SLC19A3: variants seen among roughly 807,000 people sequenced by gnomAD.
The protein encoded by SLC19A3 is solute carrier family 19 member 3.
A neutral mutation model predicts 40.2 loss-of-function variants in SLC19A3; 31 were observed. The ratio of observed to expected loss-of-function variants is 0.77; its 90% confidence interval spans 0.58 to 1.04. The LOEUF is 1.04. Among genes scored for constraint, SLC19A3 ranks in the 50% least tolerant of loss-of-function variants. The pLI, the probability that SLC19A3 is intolerant of heterozygous loss-of-function variation, is 0.00. For missense variants in SLC19A3, 592 were observed against 596.7 expected (o/e 0.99, Z 0.08); for synonymous variants, 212 against 227.5 (o/e 0.93, Z 0.61).
intron 1 of SLC19A3, among the ~76,000 whole-genome samples, chr2:227,709,832 C>T (rs891260781): frequency 6.6e-6 from 1 of 152,126 alleles, no homozygotes; most frequent in African/African-American, 2.4e-5. Flanking sequence ...CCAGAATTAA[C>T]CCAGATGCCA....
chr2:227,711,964 C>T (rs1040541960), intron 1 of SLC19A3, among the ~76,000 whole-genome samples: 4 of 144,524 alleles, frequency 2.8e-5, no homozygotes, highest in Non-Finnish European at 4.5e-5. Flanking sequence ...GTAGAAGAAT[C>T]GCTTGAACCC....
Position 227,687,449 on chromosome 2 carries a change from T to C in SLC19A3, c.1439A>G (p.Asp480Gly), listed in dbSNP as rs754918776. The change falls in exon 6 of 6, where the codon GAT becomes GGT. Residue 480 changes from aspartate (D) to glycine (G), a missense_variant. Coordinates refer to ENST00000644224, the MANE Select transcript of SLC19A3 (RefSeq NM_025243.4). ...VQSPAPSENP[D>G]VSHPEEESNI... is the part of the protein sequence containing the mutation. ...ACTCTCTTCCTCTGGGTGAGACACATCTGGATTCTCACTTGGAGCAGGGCT... is the reference window on the plus strand; with the variant it reads ...ACTCTCTTCCTCTGGGTGAGACACACCTGGATTCTCACTTGGAGCAGGGCT... 1.2e-6 allele frequency: 2 copies of C among 1,614,010 alleles called. No individual in the cohort carries two copies. The highest frequency in any genetic ancestry group is 4.5e-5 in the East Asian group (2 of 44,882).
rs1695035060 is a variant in SLC19A3 at position 227,686,850 on chromosome 2, G to A, written c.*547C>T. The stretch of plus-strand genomic sequence containing the variant: ...GAATAATGCTGTTATTAGAGTTGAA[G>A]AGAAGCCCTTAGAAATGGGACAAAC... On this transcript the variant is annotated 3_prime_UTR_variant, in exon 6 of 6. Coordinates refer to ENST00000644224, the MANE Select transcript of SLC19A3 (RefSeq NM_025243.4). 6.6e-6 allele frequency: 1 copy of A among 152,302 alleles called. No individual in the cohort carries two copies. Among genetic ancestry groups the A allele is most frequent in the African/African-American group, 2.4e-5 (1 of 41,450 alleles). The allele number at this position is 152,302 out of a possible 1,614,324, so 9.4% of individuals were successfully genotyped here. A position where few individuals can be genotyped will look rare whatever the true frequency, so the allele number is the denominator to read the frequency against.
In SLC19A3 at chr2:227,688,258, CA is replaced by C. The variant is rs774212933; in HGVS notation, c.1221del (p.Phe407LeufsTer10). On this transcript the variant is annotated frameshift_variant, in exon 5 of 6. Coordinates refer to ENST00000644224, the MANE Select transcript of SLC19A3 (RefSeq NM_025243.4). LOFTEE classifies it high-confidence loss of function. ...NLNVERYALVFGINTFIALVI... is the reference protein window; with the variant it reads ...NLNVERYALVXGINTFIALVI... ...ACCAAGGCAATAAAGGTGTTGATTCCAAATACCAAGGCATAGCGTTCCACAT... is the reference window on the plus strand; with the variant it reads ...ACCAAGGCAATAAAGGTGTTGATTCCAATACCAAGGCATAGCGTTCCACAT... The C allele has an allele frequency of 1.2e-6, 2 of 1,613,906 alleles. No homozygotes were observed. The highest frequency in any genetic ancestry group is 1.7e-6 in the Non-Finnish European group (2 of 1,179,846).
intron 1 of SLC19A3, among the ~76,000 whole-genome samples, chr2:227,708,930 T>G (rs1024484313): frequency 6.6e-6 from 1 of 152,220 alleles, no homozygotes; most frequent in Non-Finnish European, 1.5e-5. Flanking sequence ...TCAGAGTCAC[T>G]GTGCGGATTA....
Position 227,687,166 on chromosome 2 carries a change from C to T in SLC19A3, c.*231G>A, listed in dbSNP as rs192321676. The T allele has an allele frequency of 2.4e-3, 1,033 of 433,630 alleles. 5 individuals carry two copies. Among genetic ancestry groups the T allele is most frequent in the South Asian group, 8.0e-3 (192 of 23,986 alleles). 26.9% of individuals were successfully genotyped at this position (433,630 alleles called of 1,614,324 possible). A position where few individuals can be genotyped will look rare whatever the true frequency, so the allele number is the denominator to read the frequency against. On this transcript the variant is annotated 3_prime_UTR_variant, in exon 6 of 6. Transcript: ENST00000644224. ...AGCTGCTACTAGTCACAGGGGGTCC[C>T]CAATATGGGTTGTTTAATTATGATG...
intron 1 of SLC19A3, 75 bp from the exon 2 acceptor site, chr2:227,702,395 ATT>A (rs71039629): frequency 0.11 from 112,424 of 993,932 alleles, 8 homozygotes; most frequent in South Asian, 0.15. Flanking sequence ...TGAAAACCTG[ATT>A]TTTTTTTTTT....
In SLC19A3 at chr2:227,702,246, A is replaced by G; in HGVS notation, c.73T>C (p.Phe25Leu). ...PTVILCLFGFFSMMRPSEPFL... is the reference protein window; with the variant it reads ...PTVILCLFGFLSMMRPSEPFL... ...GGTTCTGAGGGTCTCATCATGGAGA[A>G]AAAACCAAATAAGCAGAGGATCACA... is the stretch of plus-strand genomic sequence containing the variant. Residue 25 changes from phenylalanine to leucine, a missense_variant, in exon 2 of 6, where the codon TTC becomes CTC. Phe to Leu is a conservative substitution (Grantham distance 22). Transcript: ENST00000644224. The G allele has an allele frequency of 1.2e-6, 2 of 1,614,126 alleles. No homozygotes were observed. Among genetic ancestry groups the G allele is most frequent in the Non-Finnish European group, 1.7e-6 (2 of 1,179,976 alleles).
intron 1 of SLC19A3, among the ~76,000 whole-genome samples, chr2:227,708,497 G>GC (rs1696027058): frequency 6.6e-6 from 1 of 152,062 alleles, no homozygotes; most frequent in Admixed American, 6.6e-5. Flanking sequence ...ATTTTGGGAG[G>GC]CTGAGGCGGG....
At position 227,685,032 on chromosome 2, in the gene SLC19A3, A is replaced by G. The variant is rs1337329393; in HGVS notation, c.*2365T>C. On this transcript the variant is annotated 3_prime_UTR_variant, in exon 6 of 6. Coordinates refer to ENST00000644224, the MANE Select transcript of SLC19A3 (RefSeq NM_025243.4). ...AAGAAGAAGAAAAAGAATAGCGGCC[A>G]TTCCTTCCTTGCCTTTAATGTAAGT... The G allele has an allele frequency of 6.7e-6, 1 of 149,310 alleles. No homozygotes were observed. Among genetic ancestry groups the G allele is most frequent in the Non-Finnish European group, 1.5e-5 (1 of 67,444 alleles). The allele number at this position is 149,310 out of a possible 1,614,324, so 9.2% of individuals were successfully genotyped here.
chr2:227,688,409 T>G, intron 4 of SLC19A3, 102 bp from the exon 5 acceptor site: 2 of 1,024,238 alleles, frequency 2.0e-6, no homozygotes, highest in South Asian at 2.7e-5. Flanking sequence ...GTCACCCACC[T>G]CCAGCTCCAG....
chr2:227,691,289 T>C (rs761459115), intron 4 of SLC19A3, among the ~76,000 whole-genome samples: 3 of 152,154 alleles, frequency 2.0e-5, no homozygotes, highest in Admixed American at 2.0e-4. Context: ...GAGGGAAGTT[T>C]ATAGTTACAA....
intron 1 of SLC19A3, chr2:227,702,649 G>T: frequency 3.1e-6 from 1 of 325,254 alleles, no homozygotes; most frequent in Admixed American, 4.6e-5. Context: ...TGCTTGAAAT[G>T]CAAGCTTTAG....
At position 227,703,968 on chromosome 2, in the gene SLC19A3, G is replaced by C. The variant is rs902251451; in HGVS notation, c.-2-1648C>G. ...TACAGCTGTCCAAATCGATTTAGTT[G>C]GGATGGTCAAGCAGAAAAAAACCTA... On this transcript the variant is annotated intron_variant, in intron 1 of 5. Coordinates refer to ENST00000644224, the MANE Select transcript of SLC19A3 (RefSeq NM_025243.4). This position sits in a 1 kb window ranked among gnomAD's most constrained non-coding sequence, Gnocchi z 4.7. 4.8e-5 allele frequency among the ~76,000 whole-genome samples: 3 copies of C among 63,040 alleles called. No individual in the cohort carries two copies. The highest frequency in any genetic ancestry group is 9.9e-5 in the Non-Finnish European group (3 of 30,438). The allele number at this position is 63,040 out of a possible 152,430, so 41.4% of individuals were successfully genotyped here.
chr2:227,702,437 A>G, intron 1 of SLC19A3, 117 bp from the exon 2 acceptor site: 2 of 1,027,184 alleles, frequency 1.9e-6, no homozygotes, highest in Non-Finnish European at 2.9e-6. Flanking sequence ...TCTGTTGTCC[A>G]GGCTGAAGTG....
Position 227,699,136 on chromosome 2 carries a change from G to A in SLC19A3, c.579C>T (p.Pro193=). The change falls in exon 3 of 6, where the codon CCC becomes CCT. Residue 193 remains proline, a synonymous_variant. Coordinates refer to ENST00000644224, the MANE Select transcript of SLC19A3 (RefSeq NM_025243.4). ...AFLFSLFLPM[P]KKSMFFHAKP... is the part of the protein sequence containing the mutation. ...TTGCATGAAAAAACATGCTTTTCTT[G>A]GGCATTGGTAGGAAAAGTGAGAAAA... 1 of 1,614,100 alleles carries A rather than the reference G, an allele frequency of 6.2e-7. No homozygotes were observed. Among genetic ancestry groups the A allele is most frequent in the Non-Finnish European group, 8.5e-7 (1 of 1,180,034 alleles).
chr2:227,702,302 G>T lies in SLC19A3; in HGVS notation c.17C>A (p.Thr6Asn), dbSNP rs773766196. Residue 6 changes from threonine (T) to asparagine (N), a missense_variant, in exon 2 of 6, where the codon ACT (threonine) becomes AAT (asparagine). Coordinates refer to ENST00000644224, the MANE Select transcript of SLC19A3 (RefSeq NM_025243.4). MDCYR[T>N]SLSSSWIYPT... ...GTAAATCCAGGAACTGCTTAGTGAA[G>T]TTCTGTAACAATCCATGGCTGATCA... The T allele has an allele frequency of 1.5e-5, 25 of 1,613,864 alleles. No individual in the cohort carries two copies. The South Asian group carries it at 2.0e-4, about 13-fold the overall frequency.
chr2:227,685,632 C>T lies in SLC19A3; in HGVS notation c.*1765G>A, dbSNP rs548915707. 2.0e-5 allele frequency: 3 copies of T among 152,422 alleles called. No individual in the cohort carries two copies. Among genetic ancestry groups the T allele is most frequent in the African/African-American group, 7.2e-5 (3 of 41,564 alleles). The allele number at this position is 152,422 out of a possible 1,614,324, so 9.4% of individuals were successfully genotyped here. The stretch of plus-strand genomic sequence containing the variant: ...CTTGCTATATTGGCCAAGATGGTCT[C>T]ATACCCCTACCCTCAAATTAACCTC... On this transcript the variant is annotated 3_prime_UTR_variant, in exon 6 of 6. Transcript: ENST00000644224.
chr2:227,702,339 A>G lies in SLC19A3; in HGVS notation c.-2-19T>C. The G allele has an allele frequency of 6.2e-7, 1 of 1,613,608 alleles. No individual in the cohort carries two copies. The highest frequency in any genetic ancestry group is 1.1e-5 in the South Asian group (1 of 91,060). Reference sequence around the variant, plus strand: ...TCCATGGCTGATCAAATGGAAACAAAGAGAAAATTAAGTGATGCTTATTCT... The same window carrying G: ...TCCATGGCTGATCAAATGGAAACAAGGAGAAAATTAAGTGATGCTTATTCT... On this transcript the variant is annotated intron_variant, in intron 1 of 5. Coordinates refer to ENST00000644224, the MANE Select transcript of SLC19A3 (RefSeq NM_025243.4).
Sources: allele counts gnomAD v4.1 joint callset (sites outside exome capture counted in the v4.1 genomes callset), GRCh38; gene constraint gnomAD v4.1.1; non-coding constraint Gnocchi (gnomAD v3.1); transcripts MANE v1.5; gene names NCBI Gene and HGNC (gene_info 2026-07-23, HGNC 2026-07-21).